The following NKAIN2 variants were observed in gnomAD, a reference collection of about 807,000 sequenced individuals.
The protein encoded by NKAIN2 is sodium/potassium transporting ATPase interacting 2.
A neutral mutation model predicts 32.6 loss-of-function variants in NKAIN2; 14 were observed. The ratio of observed to expected loss-of-function variants is 0.43; its 90% confidence interval spans 0.28 to 0.67. The LOEUF is 0.67. Among genes scored for constraint, NKAIN2 ranks in the 30% least tolerant of loss-of-function variants. NKAIN2 has a pLI of 0.17. For missense variants in NKAIN2, 198 were observed against 258.3 expected, an observed-to-expected ratio of 0.77 and a Z score of 1.60; for synonymous variants, 80 against 87.2, an observed-to-expected ratio of 0.92 and a Z score of 0.46.
At chr6:124,775,624 A>G (rs1328452460) in intron 4 of NKAIN2, among the ~76,000 whole-genome samples, 1 of 152,150 alleles carries the variant, frequency 6.6e-6, no homozygotes, top group Admixed American at 6.5e-5. Context: ...TGAATTTTTC[A>G]TGTAAAAGTG....
intron 3 of NKAIN2, among the ~76,000 whole-genome samples, chr6:124,430,594 C>T (rs1775173630): frequency 6.6e-6 from 1 of 152,040 alleles, no homozygotes; most frequent in Non-Finnish European, 1.5e-5. Context: ...ACAGTATCTC[C>T]ATGTGGTTTC....
intron 3 of NKAIN2, among the ~76,000 whole-genome samples, chr6:124,378,313 C>T (rs1041840244): frequency 2.6e-5 from 4 of 152,122 alleles, no homozygotes; most frequent in Non-Finnish European, 5.9e-5. Flanking sequence ...TCTCAAGGCT[C>T]AGGAAAGCTA....
chr6:124,630,785 A>G (rs1783534741), intron 3 of NKAIN2, among the ~76,000 whole-genome samples: 1 of 152,170 alleles, frequency 6.6e-6, no homozygotes. Flanking sequence ...CAAATTATAC[A>G]GTTAATAAAA....
intron 1 of NKAIN2, among the ~76,000 whole-genome samples, chr6:124,008,936 A>G (rs1780198114): frequency 6.6e-6 from 1 of 152,180 alleles, no homozygotes; most frequent in Non-Finnish European, 1.5e-5. Flanking sequence ...AGTAGCTGTG[A>G]CTATTATTGG....
At chr6:124,535,193 C>G (rs534052806) in intron 3 of NKAIN2, among the ~76,000 whole-genome samples, 108 of 152,278 alleles carry the variant, frequency 7.1e-4, no homozygotes, top group Non-Finnish European at 1.4e-3. Flanking sequence ...GCCAACTACA[C>G]TTATTGTATC....
chr6:124,640,681 A>G (rs1783952471), intron 3 of NKAIN2, among the ~76,000 whole-genome samples: 1 of 152,180 alleles, frequency 6.6e-6, no homozygotes, highest in South Asian at 2.1e-4. Context: ...CGTGAAAGAG[A>G]GAAGACTCAT....
intron 1 of NKAIN2, among the ~76,000 whole-genome samples, chr6:123,926,296 A>T (rs1451713667): frequency 6.6e-6 from 1 of 152,164 alleles, no homozygotes; most frequent in Non-Finnish European, 1.5e-5. Flanking sequence ...GTCTTTGTGG[A>T]TATCAGGAAA....
chr6:124,035,305 C>A (rs953849880), intron 1 of NKAIN2, among the ~76,000 whole-genome samples: 2 of 152,110 alleles, frequency 1.3e-5, no homozygotes, highest in Non-Finnish European at 2.9e-5. Context: ...TAAACCTTAA[C>A]TGTAAATTAG....
intron 3 of NKAIN2, among the ~76,000 whole-genome samples, chr6:124,537,080 C>G (rs574723942): frequency 6.6e-6 from 1 of 152,160 alleles, no homozygotes; most frequent in South Asian, 2.1e-4. Context: ...GGGCAAAAAG[C>G]CAGTAGGTGT....
intron 3 of NKAIN2, among the ~76,000 whole-genome samples, chr6:124,440,833 A>T (rs1275328826): frequency 1.3e-5 from 2 of 152,012 alleles, no homozygotes; most frequent in African/African-American, 4.8e-5. Context: ...AAGACATGTA[A>T]ATCTGTACAG....
At chr6:124,526,394 A>G (rs1409697447) in intron 3 of NKAIN2, among the ~76,000 whole-genome samples, 1 of 152,128 alleles carries the variant, frequency 6.6e-6, no homozygotes, top group Non-Finnish European at 1.5e-5. Flanking sequence ...TAAAAAATGT[A>G]CTGGGTAAAT....
chr6:124,216,794 T>C (rs887928749), intron 1 of NKAIN2, among the ~76,000 whole-genome samples: 5 of 152,188 alleles, frequency 3.3e-5, no homozygotes, highest in Non-Finnish European at 7.3e-5. Context: ...TACATAAATA[T>C]ATTGACAAAT....
rs7747075 is a variant in NKAIN2 at position 124,492,009 on chromosome 6, A to T, written c.273+136662A>T. Among the ~76,000 whole-genome samples, 1,283 of 152,094 alleles carry T rather than the reference A, an allele frequency of 8.4e-3. 20 individuals are homozygous for T. Among genetic ancestry groups the T allele is most frequent in the African/African-American group, 0.029 (1,203 of 41,564 alleles). ...ACAGTGGCTGAAACCATTGAAGCCAATGACAATGGTGAATTTAAAAAGAAT... is the reference window on the plus strand; with the variant it reads ...ACAGTGGCTGAAACCATTGAAGCCATTGACAATGGTGAATTTAAAAAGAAT... On this transcript the variant is annotated intron_variant, in intron 3 of 6. Coordinates refer to ENST00000368417, the MANE Select transcript of NKAIN2 (RefSeq NM_001040214.3).
At chr6:124,083,201 T>C (rs371975029) in intron 1 of NKAIN2, among the ~76,000 whole-genome samples, 4 of 151,978 alleles carry the variant, frequency 2.6e-5, no homozygotes, top group East Asian at 1.9e-4. Flanking sequence ...TTACTAGCTG[T>C]GAAACTTTGG....
chr6:124,664,400 TAAAC>T (rs935015569), intron 4 of NKAIN2, among the ~76,000 whole-genome samples: 2 of 152,054 alleles, frequency 1.3e-5, no homozygotes, highest in African/African-American at 2.4e-5. Context: ...ATTGTGTTGA[TAAAC>T]AAGAATACAT....
chr6:124,682,422 C>A (rs1439462233), intron 4 of NKAIN2, among the ~76,000 whole-genome samples: 1 of 152,078 alleles, frequency 6.6e-6, no homozygotes, highest in African/African-American at 2.4e-5. Flanking sequence ...AGGAGGGTCA[C>A]AATGTTTGAG....
chr6:124,808,323 G>T (rs1309623640), intron 5 of NKAIN2, among the ~76,000 whole-genome samples: 1 of 151,908 alleles, frequency 6.6e-6, no homozygotes, highest in Non-Finnish European at 1.5e-5. Context: ...TGCAAGGCTG[G>T]TTCAATATAC....
At chr6:124,232,883 C>T (rs774604718) in intron 1 of NKAIN2, among the ~76,000 whole-genome samples, 4 of 152,052 alleles carry the variant, frequency 2.6e-5, no homozygotes, top group Non-Finnish European at 5.9e-5. Context: ...GCCATATAAA[C>T]CCCCCAACCT....
At chr6:124,340,194 T>A (rs1442468113) in intron 2 of NKAIN2, among the ~76,000 whole-genome samples, 1 of 152,224 alleles carries the variant, frequency 6.6e-6, no homozygotes, top group Non-Finnish European at 1.5e-5. Context: ...GATGAATATG[T>A]GACAATGAGA....
Sources: gnomAD v4.1 joint callset for allele counts (sites outside exome capture counted in the v4.1 genomes callset) on GRCh38, gnomAD v4.1.1 for gene constraint, MANE v1.5 for transcripts, NCBI Gene and HGNC (gene_info 2026-07-23, HGNC 2026-07-21) for gene names.